Variants in GRM7 observed in about 807,000 individuals in gnomAD.
GRM7 encodes the protein glutamate metabotropic receptor 7, also known as metabotropic glutamate receptor 7.
In GRM7, 35 loss-of-function variants were observed where a neutral mutation model predicts 84.5. The ratio of observed to expected loss-of-function variants is 0.41; its 90% CI spans 0.32 to 0.55. The LOEUF (loss-of-function observed/expected upper bound fraction) is 0.55. Among genes scored for constraint, GRM7 ranks in the 20% least tolerant of loss-of-function variants. GRM7 has a pLI of 0.19. For synonymous variants in GRM7, 487 were observed against 455.1 expected, an observed-to-expected ratio of 1.07 and a Z score of -0.89; for missense variants, 1,003 against 1,194.6, an observed-to-expected ratio of 0.84 and a Z score of 2.36.
At chr3:7,529,224 T>G (rs1482284708) in intron 7 of GRM7, among the ~76,000 whole-genome samples, 1 of 152,162 alleles carries the variant, frequency 6.6e-6, no homozygotes, top group East Asian at 1.9e-4. Context: ...CTCCTATTAG[T>G]CATCAAATAA....
intron 2 of GRM7, among the ~76,000 whole-genome samples, chr3:7,211,372 A>G (rs1696422212): frequency 6.6e-6 from 1 of 152,186 alleles, no homozygotes. Context: ...TACCTTTAAT[A>G]GCACCCTCTG....
chr3:7,237,943 C>A (rs1697407374), intron 2 of GRM7, among the ~76,000 whole-genome samples: 1 of 152,102 alleles, frequency 6.6e-6, no homozygotes, highest in Non-Finnish European at 1.5e-5. Flanking sequence ...CGTTTACAGA[C>A]CTTTAGCTAG....
chr3:7,606,251 G>C (rs1188920955), intron 8 of GRM7, among the ~76,000 whole-genome samples: 1 of 145,060 alleles, frequency 6.9e-6, no homozygotes, highest in Non-Finnish European at 1.5e-5. Flanking sequence ...ATGACTTCTA[G>C]CTCCTCTTTT....
intron 2 of GRM7, among the ~76,000 whole-genome samples, chr3:7,166,666 C>T (rs1020447794): frequency 6.6e-6 from 1 of 152,186 alleles, no homozygotes; most frequent in African/African-American, 2.4e-5. Flanking sequence ...CACCAAATCC[C>T]TGCATTGTCT....
chr3:7,099,190 A>G (rs1349928228), intron 1 of GRM7, among the ~76,000 whole-genome samples: 1 of 149,982 alleles, frequency 6.7e-6, no homozygotes, highest in Non-Finnish European at 1.5e-5. Context: ...TTGCATATAT[A>G]TATATACGTA....
chr3:7,186,705 TA>T (rs1476249164), intron 2 of GRM7, among the ~76,000 whole-genome samples: 1 of 152,192 alleles, frequency 6.6e-6, no homozygotes, highest in African/African-American at 2.4e-5. Flanking sequence ...GTCATTGTCA[TA>T]ACCGTCTTTA....
At chr3:7,439,575 A>C (rs1276380965) in intron 5 of GRM7, among the ~76,000 whole-genome samples, 2 of 152,176 alleles carry the variant, frequency 1.3e-5, no homozygotes, top group Non-Finnish European at 2.9e-5. Flanking sequence ...CAGACCCTTC[A>C]CAGTTTGTGA....
chr3:7,478,822 G>A (rs1458708416), intron 7 of GRM7, among the ~76,000 whole-genome samples: 3 of 152,126 alleles, frequency 2.0e-5, no homozygotes, highest in South Asian at 2.1e-4. Flanking sequence ...CTCCCCCCAG[G>A]CATGCAGTCA....
intron 2 of GRM7, among the ~76,000 whole-genome samples, chr3:7,157,606 T>C (rs916311940): frequency 3.3e-5 from 5 of 152,110 alleles, no homozygotes; most frequent in African/African-American, 1.2e-4. Flanking sequence ...AGATACAAAA[T>C]GTAATTTTCC....
chr3:7,356,990 GA>G (rs1177011987), intron 4 of GRM7, among the ~76,000 whole-genome samples: 1 of 147,686 alleles, frequency 6.8e-6, no homozygotes. Context: ...CTTCAAATGT[GA>G]CATATTTTAT....
chr3:7,534,320 G>C (rs1701160392), intron 7 of GRM7, among the ~76,000 whole-genome samples: 1 of 152,088 alleles, frequency 6.6e-6, no homozygotes, highest in Non-Finnish European at 1.5e-5. Context: ...AGCTGAAAGT[G>C]CTGAATACTT....
chr3:7,260,256 G>C (rs1698371400), intron 2 of GRM7, among the ~76,000 whole-genome samples: 1 of 151,944 alleles, frequency 6.6e-6, no homozygotes, highest in Admixed American at 6.6e-5. Context: ...TCTGTTGATA[G>C]TTTATTTTGC....
intron 7 of GRM7, among the ~76,000 whole-genome samples, chr3:7,558,404 A>G (rs1000080673): frequency 2.0e-5 from 3 of 152,254 alleles, no homozygotes; most frequent in Admixed American, 6.5e-5. Context: ...TTTTCCAAGT[A>G]AAACACTAAC....
intron 4 of GRM7, among the ~76,000 whole-genome samples, chr3:7,383,088 C>T (rs538357656): frequency 2.1e-4 from 32 of 152,330 alleles, no homozygotes; most frequent in African/African-American, 7.5e-4. Context: ...CTCTAGCCCC[C>T]ACATCCAAAT....
At chr3:7,383,834 C>T (rs988697861) in intron 4 of GRM7, among the ~76,000 whole-genome samples, 1 of 152,106 alleles carries the variant, frequency 6.6e-6, no homozygotes, top group East Asian at 1.9e-4. Context: ...TTTTAATTAA[C>T]GTTAATGTTT....
intron 1 of GRM7, among the ~76,000 whole-genome samples, chr3:7,145,152 G>A (rs755246810): frequency 2.0e-5 from 3 of 152,112 alleles, no homozygotes; most frequent in South Asian, 2.1e-4. Flanking sequence ...CAACTTGAGC[G>A]TGGCTTTACC....
In GRM7 at chr3:7,105,451, T is replaced by G. The variant is rs1191958269; in HGVS notation, c.520-41001T>G. 2.0e-5 allele frequency among the ~76,000 whole-genome samples: 3 copies of G among 151,910 alleles called. No individual in the cohort carries two copies. The South Asian group carries it at 6.2e-4, about 31-fold the overall frequency. On this transcript the variant is annotated intron_variant, in intron 1 of 9. Coordinates refer to ENST00000357716, the MANE Select transcript of GRM7 (RefSeq NM_000844.4). The stretch of plus-strand genomic sequence containing the variant: ...CCTATAGAAGTTTTTGTTTAAGCAG[T>G]GTTAGATCTTCATGAATTTTGGCAT...
intron 2 of GRM7, among the ~76,000 whole-genome samples, chr3:7,166,107 G>T (rs1271701643): frequency 1.3e-5 from 2 of 152,142 alleles, no homozygotes; most frequent in African/African-American, 4.8e-5. Context: ...AAGAAACTGG[G>T]ACAGAGAGAT....
intron 1 of GRM7, among the ~76,000 whole-genome samples, chr3:6,919,365 ATTTT>A (rs60633616): frequency 1.8e-5 from 2 of 109,488 alleles, no homozygotes; most frequent in African/African-American, 3.4e-5. Context: ...TGCCTGGCTA[ATTTT>A]TTTTTTTTTT....
Sources: gnomAD v4.1 joint callset for allele counts (sites outside exome capture counted in the v4.1 genomes callset) on GRCh38, gnomAD v4.1.1 for gene constraint, MANE v1.5 for transcripts, NCBI Gene and HGNC (gene_info 2026-07-23, HGNC 2026-07-21) for gene names.